Variants in RALGDS observed in about 807,000 individuals in gnomAD.
RALGDS encodes ral guanine nucleotide dissociation stimulator.
RALGDS carries 44 observed loss-of-function variants against 99.8 expected under a neutral mutation model. The observed-to-expected ratio is 0.44, with a 90% CI of 0.35 to 0.57. The LOEUF is 0.57. RALGDS is among the 20% of genes least tolerant of loss of function. The pLI is 0.01. For missense variants in RALGDS, 1,022 were observed against 1,203.1 expected (o/e 0.85, Z 2.23); for synonymous variants, 529 against 505.0 (o/e 1.05, Z -0.64).
intron 1 of RALGDS, among the ~76,000 whole-genome samples, chr9:133,139,631 C>T (rs377566594): frequency 1.3e-5 from 2 of 152,292 alleles, no homozygotes; most frequent in Non-Finnish European, 2.9e-5. Flanking sequence ...GCAACTTACT[C>T]GCCTCCTCGG....
chr9:133,098,652 C>T lies in RALGDS; in HGVS notation c.2680G>A (p.Gly894Arg), dbSNP rs747935608. Reference protein sequence around the residue: ...TFTKGVKVKHGASSTLPRMKQ... With the variant: ...TFTKGVKVKHRASSTLPRMKQ... ...ATGCGAGGGAGGGTGGAGCTGGCTCCGTGCTTGACCTTCACTCCCTTGGTG... is the reference window on the plus strand; with the variant it reads ...ATGCGAGGGAGGGTGGAGCTGGCTCTGTGCTTGACCTTCACTCCCTTGGTG... Residue 894 changes from glycine to arginine, a missense_variant, in exon 18 of 18, where the codon GGA (glycine) becomes AGA (arginine). Transcript: ENST00000372050. The T allele has an allele frequency of 1.1e-5, 17 of 1,613,998 alleles. No homozygotes were observed. Among genetic ancestry groups the T allele is most frequent in the South Asian group, 4.4e-5 (4 of 91,090 alleles).
At chr9:133,127,422 T>C (rs940471743) in intron 1 of RALGDS, among the ~76,000 whole-genome samples, 11 of 152,252 alleles carry the variant, frequency 7.2e-5, no homozygotes, top group Non-Finnish European at 1.3e-4. Context: ...TCACCTCCTG[T>C]TGGGCAGGTG....
At chr9:133,131,230 G>A (rs1832324557), upstream of RALGDS, 1 of 980,102 alleles carries the variant, frequency 1.0e-6, no homozygotes, top group Non-Finnish European at 1.2e-6. Flanking sequence ...GGGCCTGGGA[G>A]CTCTGCCACC....
At chr9:133,114,987 G>A (rs759978607) in intron 1 of RALGDS, among the ~76,000 whole-genome samples, 11 of 152,220 alleles carry the variant, frequency 7.2e-5, no homozygotes, top group Non-Finnish European at 1.2e-4. Context: ...AGGGCCTGGT[G>A]GTGTCTGGTG....
intron 1 of RALGDS, among the ~76,000 whole-genome samples, chr9:133,143,081 T>C (rs1344443936): frequency 6.6e-6 from 1 of 152,242 alleles, no homozygotes; most frequent in Non-Finnish European, 1.5e-5. Context: ...GCCTACAGGC[T>C]GGCTGTCATC....
At chr9:133,121,752 G>A (rs148065123), upstream of RALGDS, among the ~76,000 whole-genome samples, 769 of 152,316 alleles carry the variant, frequency 5.0e-3, 5 homozygotes, top group Admixed American at 0.012. Flanking sequence ...AAACAGTTGC[G>A]GGGAGGATGA....
At chr9:133,106,858 G>A in intron 7 of RALGDS, 110 bp from the exon 8 acceptor site, 1 of 966,496 alleles carries the variant, frequency 1.0e-6, no homozygotes. Flanking sequence ...CACCCAGGGA[G>A]TCCCCAGAGG....
chr9:133,121,084 CG>C lies in RALGDS; in HGVS notation c.70del (p.Arg24GlyfsTer30). On this transcript the variant is annotated frameshift_variant, in exon 1 of 18. Coordinates refer to ENST00000372050, the MANE Select transcript of RALGDS (RefSeq NM_006266.4). LOFTEE classifies it high-confidence loss of function. ...GGAEPLFPGS[R>X]RSRSVWDAVR... is the part of the protein sequence containing the mutation. The stretch of plus-strand genomic sequence containing the variant: ...GGCGTCCCACACGCTGCGGCTCCGC[CG>C]GGAGCCCGGAAACAGCGGCTCGGCG... The C allele has an allele frequency of 6.8e-7, 1 of 1,479,384 alleles. No homozygotes were observed. Among genetic ancestry groups the C allele is most frequent in the Non-Finnish European group, 8.9e-7 (1 of 1,121,124 alleles). 91.6% of individuals were successfully genotyped at this position (1,479,384 alleles called of 1,614,324 possible).
intron 1 of RALGDS, among the ~76,000 whole-genome samples, chr9:133,145,100 T>C (rs375293493): frequency 6.6e-5 from 10 of 152,348 alleles, no homozygotes; most frequent in African/African-American, 2.4e-4. Context: ...AGAGACAGCA[T>C]GGCCTTGCTG....
intron 7 of RALGDS, 83 bp from the exon 8 acceptor site, chr9:133,106,831 C>T: frequency 8.9e-7 from 1 of 1,127,250 alleles, no homozygotes; most frequent in South Asian, 1.3e-5. Context: ...CCAAGCCTCC[C>T]CTCCTAATGA....
At chr9:133,111,263 C>T (rs980590057) in intron 2 of RALGDS, among the ~76,000 whole-genome samples, 9 of 152,064 alleles carry the variant, frequency 5.9e-5, no homozygotes, top group South Asian at 2.1e-4. Flanking sequence ...GGGACTGGCC[C>T]GTTAGGACGC....
In RALGDS at chr9:133,101,737, G is replaced by A. The variant is rs753866699; in HGVS notation, c.2237C>T (p.Ser746Phe). ...TGAGCTGATGCCGGAGGTCTCCGGG[G>A]ATGACTGTGAGGCTGATTCCCAGAA... is the stretch of plus-strand genomic sequence containing the variant. The part of the protein sequence containing the change: ...KKFWESASQS[S>F]PETSGISSAS... The change falls in exon 16 of 18, where the codon TCC becomes TTC. Residue 746 changes from serine (S) to phenylalanine (F), a missense_variant. Ser to Phe is a radical substitution (Grantham distance 155). Around this residue, in one of 3 missense-constraint regions of RALGDS, gnomAD observed 825 missense variants for 994.5 expected, o/e 0.83. Coordinates refer to ENST00000372050, the MANE Select transcript of RALGDS (RefSeq NM_006266.4). 2 of 1,612,178 alleles carry A rather than the reference G, an allele frequency of 1.2e-6. No homozygotes were observed. The highest frequency in any genetic ancestry group is 8.5e-7 in the Non-Finnish European group (1 of 1,179,150).
intron 17 of RALGDS, chr9:133,099,770 G>A (rs552440393): frequency 5.5e-5 from 10 of 183,366 alleles, no homozygotes; most frequent in Middle Eastern, 2.5e-3. Flanking sequence ...CTTGCCCAGC[G>A]TCTCCAGGCC....
intron 9 of RALGDS, among the ~76,000 whole-genome samples, chr9:133,105,306 A>G (rs1348496409): frequency 6.6e-6 from 1 of 152,132 alleles, no homozygotes; most frequent in Non-Finnish European, 1.5e-5. Flanking sequence ...TCCATTAGTC[A>G]CTGAAAGTTC....
chr9:133,098,042 C>A lies in RALGDS; in HGVS notation c.*545G>T. ...TGAAGAGGGTTTCTCTCTCTGCTCCCAGGGGAGGGCTGGGGTAAGCGGTGG... is the reference window on the plus strand; with the variant it reads ...TGAAGAGGGTTTCTCTCTCTGCTCCAAGGGGAGGGCTGGGGTAAGCGGTGG... On this transcript the variant is annotated 3_prime_UTR_variant, in exon 18 of 18. Transcript: ENST00000372050. The A allele has an allele frequency of 3.9e-6, 1 of 256,914 alleles. No individual in the cohort carries two copies. The highest frequency in any genetic ancestry group is 7.6e-6 in the Non-Finnish European group (1 of 131,868). 15.9% of individuals were successfully genotyped at this position (256,914 alleles called of 1,614,324 possible).
At chr9:133,125,886 G>C (rs560363867), upstream of RALGDS, among the ~76,000 whole-genome samples, 12 of 152,190 alleles carry the variant, frequency 7.9e-5, no homozygotes, top group Non-Finnish European at 1.5e-4. Context: ...TGTGGGCACA[G>C]GGGTCACTGA....
At position 133,100,254 on chromosome 9, in the gene RALGDS, G is replaced by A. The variant is rs745394854; in HGVS notation, c.2569+14C>T. 1 of 1,611,686 alleles carries A rather than the reference G, an allele frequency of 6.2e-7. No individual in the cohort carries two copies. Among genetic ancestry groups the A allele is most frequent in the Non-Finnish European group, 8.5e-7 (1 of 1,177,740 alleles). On this transcript the variant is annotated intron_variant, in intron 17 of 17. Transcript: ENST00000372050. ...CTGCCCCCTCTGCCATCGCCCTCTG[G>A]TCTTCTGACTTACTCCGGTCATCTG...
intron 16 of RALGDS, 168 bp from the exon 17 acceptor site, chr9:133,100,550 C>T: frequency 6.7e-7 from 1 of 1,487,966 alleles, no homozygotes; most frequent in Non-Finnish European, 8.9e-7. Flanking sequence ...CTCCTACTCC[C>T]CAAGTGAGGC....
chr9:133,143,264 G>T (rs914817718), intron 1 of RALGDS, among the ~76,000 whole-genome samples: 1 of 152,206 alleles, frequency 6.6e-6, no homozygotes, highest in Non-Finnish European at 1.5e-5. Flanking sequence ...CCATACCCCT[G>T]AGCCTTCCAC....
Sources: gnomAD v4.1 joint callset for allele counts (sites outside exome capture counted in the v4.1 genomes callset) on GRCh38, gnomAD v4.1.1 for gene constraint, gnomAD v4.1.1 regional missense constraint, MANE v1.5 for transcripts, NCBI Gene and HGNC (gene_info 2026-07-23, HGNC 2026-07-21) for gene names.